Variants in NRG3 observed in about 807,000 individuals in gnomAD.
The protein encoded by NRG3 is pro-neuregulin-3, membrane-bound isoform.
Under a neutral mutation model 66.9 loss-of-function variants are expected in NRG3, and 31 were observed. The ratio of observed to expected loss-of-function variants is 0.46; its 90% CI spans 0.35 to 0.63. The LOEUF (loss-of-function observed/expected upper bound fraction) is 0.63, where lower values mean the gene tolerates loss of function less well. Ranked by LOEUF, NRG3 falls within the 20% of genes least tolerant of loss-of-function variation. The pLI is 0.00. For missense variants in NRG3, 910 were observed against 878.9 expected (o/e 1.04, Z -0.45); for synonymous variants, 393 against 359.4 (o/e 1.09, Z -1.06).
chr10:82,641,646 A>G (rs2133816032), intron 2 of NRG3, among the ~76,000 whole-genome samples: 1 of 152,278 alleles, frequency 6.6e-6, no homozygotes, highest in Middle Eastern at 3.4e-3. Context: ...AACTGGCTGA[A>G]TGTTGGACAA....
intron 1 of NRG3, among the ~76,000 whole-genome samples, chr10:82,140,657 A>G (rs1460174584): frequency 6.6e-6 from 1 of 152,130 alleles, no homozygotes; most frequent in East Asian, 1.9e-4. Flanking sequence ...GCTTGAGCCC[A>G]GGAGTTGAAG....
intron 1 of NRG3, among the ~76,000 whole-genome samples, chr10:81,924,947 C>T (rs1846626879): frequency 6.6e-6 from 1 of 151,896 alleles, no homozygotes; most frequent in African/African-American, 2.4e-5. Flanking sequence ...AAAAAAAAGG[C>T]CTAAAGAAGG....
intron 3 of NRG3, among the ~76,000 whole-genome samples, chr10:82,802,914 A>T (rs1169351584): frequency 6.6e-6 from 1 of 152,144 alleles, no homozygotes. Flanking sequence ...GGCTCAAATG[A>T]TTCACCTGTC....
intron 2 of NRG3, among the ~76,000 whole-genome samples, chr10:82,504,189 G>C (rs1844461986): frequency 6.6e-6 from 1 of 152,178 alleles, no homozygotes; most frequent in African/African-American, 2.4e-5. Flanking sequence ...TGCCCTTCAT[G>C]AATGATCAGT....
At chr10:82,611,760 T>C (rs1335307091) in intron 2 of NRG3, among the ~76,000 whole-genome samples, 1 of 152,174 alleles carries the variant, frequency 6.6e-6, no homozygotes, top group East Asian at 1.9e-4. Flanking sequence ...GTAGCATGAT[T>C]TATAATCCTT....
chr10:82,240,736 C>G (rs577363557), intron 1 of NRG3, among the ~76,000 whole-genome samples: 1 of 152,198 alleles, frequency 6.6e-6, no homozygotes, highest in African/African-American at 2.4e-5. Flanking sequence ...GGCATTAGAT[C>G]TTTCTTTATG....
In NRG3 at chr10:81,924,288, C is replaced by T. The variant is rs1188168824; in HGVS notation, c.823+48125C>T. ...TGTATTAAGGTAACAGAAATATGCT[C>T]CTAAAGTACTTTCTCATTATATCCA... On this transcript the variant is annotated intron_variant, in intron 1 of 8. Coordinates refer to ENST00000372141, the MANE Select transcript of NRG3 (RefSeq NM_001010848.4). 3.9e-5 allele frequency among the ~76,000 whole-genome samples: 6 copies of T among 152,184 alleles called. No individual in the cohort carries two copies. The East Asian group carries it at 1.2e-3, about 29-fold the overall frequency.
In NRG3 at chr10:82,467,254, G is replaced by C. The variant is rs1301666981; in HGVS notation, c.953+108386G>C. ...ACTCAAACATTTGCTATTATGATGTGGCAGGGAAAATTGTGAAGTATTAAT... is the reference window on the plus strand; with the variant it reads ...ACTCAAACATTTGCTATTATGATGTCGCAGGGAAAATTGTGAAGTATTAAT... On this transcript the variant is annotated intron_variant, in intron 2 of 8. Transcript: ENST00000372141. Among the ~76,000 whole-genome samples, 3 of 152,166 alleles carry C rather than the reference G, an allele frequency of 2.0e-5. No homozygotes were observed. The East Asian group carries it at 5.8e-4, about 29-fold the overall frequency.
At chr10:82,319,452 A>G (rs1393162755) in intron 1 of NRG3, among the ~76,000 whole-genome samples, 4 of 152,240 alleles carry the variant, frequency 2.6e-5, no homozygotes, top group Non-Finnish European at 5.9e-5. Context: ...ACCTAGAGGC[A>G]TGCAATTTGC....
intron 1 of NRG3, among the ~76,000 whole-genome samples, chr10:82,314,856 G>A (rs561907349): frequency 2.0e-5 from 3 of 151,974 alleles, no homozygotes; most frequent in South Asian, 4.1e-4. Flanking sequence ...AAGAGTTCAC[G>A]GGAGGTAAGC....
chr10:82,299,928 G>C (rs2080296417), intron 1 of NRG3, among the ~76,000 whole-genome samples: 1 of 152,116 alleles, frequency 6.6e-6, no homozygotes, highest in African/African-American at 2.4e-5. Flanking sequence ...TACCTGAAAA[G>C]ACATTTAACT....
chr10:82,473,652 C>T (rs1042796804), intron 2 of NRG3, among the ~76,000 whole-genome samples: 3 of 152,154 alleles, frequency 2.0e-5, no homozygotes, highest in African/African-American at 7.2e-5. Context: ...TTCCCAGTGT[C>T]GTTCAGCACA....
intron 1 of NRG3, among the ~76,000 whole-genome samples, chr10:82,072,355 G>A (rs948463119): frequency 2.6e-5 from 4 of 152,152 alleles, no homozygotes; most frequent in East Asian, 3.8e-4. Context: ...CTGACTTAAC[G>A]GGAGAGACCA....
intron 1 of NRG3, among the ~76,000 whole-genome samples, chr10:81,937,265 T>C (rs1564672797): frequency 6.6e-6 from 1 of 152,166 alleles, no homozygotes; most frequent in Non-Finnish European, 1.5e-5. Context: ...CTTGAGGTCC[T>C]GTTTTCAGTT....
At chr10:82,363,871 A>G (rs778738577) in intron 2 of NRG3, among the ~76,000 whole-genome samples, 1 of 152,200 alleles carries the variant, frequency 6.6e-6, no homozygotes, top group Non-Finnish European at 1.5e-5. Flanking sequence ...ATAAATTAGA[A>G]TATATTTGTA....
chr10:81,980,932 C>T (rs980230066), intron 1 of NRG3, among the ~76,000 whole-genome samples: 1 of 152,126 alleles, frequency 6.6e-6, no homozygotes, highest in Admixed American at 6.5e-5. Context: ...AGGACCCACT[C>T]TAAGGACTTC....
chr10:82,731,637 A>T (rs1389649755), intron 2 of NRG3, among the ~76,000 whole-genome samples: 1 of 152,178 alleles, frequency 6.6e-6, no homozygotes, highest in East Asian at 1.9e-4. Flanking sequence ...TCCATTGTGT[A>T]TATGTAGATA....
chr10:82,299,246 T>C (rs560089830), intron 1 of NRG3, among the ~76,000 whole-genome samples: 2 of 152,122 alleles, frequency 1.3e-5, no homozygotes, highest in Non-Finnish European at 2.9e-5. Flanking sequence ...GTTGACAAAA[T>C]AAGGGATTGG....
At chr10:82,282,327 G>A (rs1430448602) in intron 1 of NRG3, among the ~76,000 whole-genome samples, 4 of 151,552 alleles carry the variant, frequency 2.6e-5, no homozygotes, top group Non-Finnish European at 5.9e-5. Context: ...TGACCTCTGG[G>A]CCACCAATTC....
Sources: gnomAD v4.1 joint callset for allele counts (sites outside exome capture counted in the v4.1 genomes callset) on GRCh38, gnomAD v4.1.1 for gene constraint, MANE v1.5 for transcripts, NCBI Gene and HGNC (gene_info 2026-07-23, HGNC 2026-07-21) for gene names.